Variants in SNTG1 observed in about 807,000 individuals in gnomAD.
The protein encoded by SNTG1 is gamma-1-syntrophin.
Under a neutral mutation model 74.7 loss-of-function variants are expected in SNTG1, and 39 were observed. That is an observed-to-expected ratio of 0.52 (90% confidence interval 0.40 to 0.68). SNTG1 has a LOEUF of 0.68. SNTG1 is among the 30% of genes least tolerant of loss of function. The pLI is 0.00. For synonymous variants in SNTG1, 254 were observed against 217.1 expected, an observed-to-expected ratio of 1.17 and a Z score of -1.49; for missense variants, 685 against 609.5, an observed-to-expected ratio of 1.12 and a Z score of -1.30.
At chr8:50,206,813 A>G (rs916643814) in intron 2 of SNTG1, among the ~76,000 whole-genome samples, 2 of 152,144 alleles carry the variant, frequency 1.3e-5, no homozygotes, top group East Asian at 1.9e-4. Context: ...TTCTGCATCT[A>G]TTGAGACAAT....
chr8:50,752,336 T>C (rs1488641119), intron 18 of SNTG1, among the ~76,000 whole-genome samples: 1 of 152,030 alleles, frequency 6.6e-6, no homozygotes, highest in Non-Finnish European at 1.5e-5. Context: ...ATTGCATTTC[T>C]TAGTTTTAAT....
chr8:50,113,877 G>A (rs549847585), intron 1 of SNTG1, among the ~76,000 whole-genome samples: 15 of 151,952 alleles, frequency 9.9e-5, no homozygotes, highest in Non-Finnish European at 1.3e-4. Context: ...AAACCTGCAC[G>A]TTGTGCACAT....
At chr8:50,115,361 G>A (rs764045626) in intron 1 of SNTG1, among the ~76,000 whole-genome samples, 1 of 151,844 alleles carries the variant, frequency 6.6e-6, no homozygotes, top group Non-Finnish European at 1.5e-5. Context: ...GAGGTCAGGA[G>A]TTCAAGATCA....
intron 2 of SNTG1, among the ~76,000 whole-genome samples, chr8:50,317,594 T>C (rs186726174): frequency 1.2e-4 from 18 of 152,256 alleles, no homozygotes; most frequent in African/African-American, 3.6e-4. Context: ...ACAAAGGAGT[T>C]TGAATTAGAG....
chr8:50,328,114 A>T (rs1473355402), intron 2 of SNTG1, among the ~76,000 whole-genome samples: 1 of 152,120 alleles, frequency 6.6e-6, no homozygotes, highest in Non-Finnish European at 1.5e-5. Flanking sequence ...ACCTTCACTT[A>T]TACCTTTTGT....
intron 2 of SNTG1, among the ~76,000 whole-genome samples, chr8:50,302,897 T>C (rs574649048): frequency 2.7e-3 from 414 of 152,332 alleles, no homozygotes; most frequent in South Asian, 7.7e-3. Context: ...ATAATTGCTT[T>C]TGACGATTGT....
At chr8:49,925,695 G>A (rs79633591) in intron 1 of SNTG1, among the ~76,000 whole-genome samples, 2,094 of 152,308 alleles carry the variant, frequency 0.014, 51 homozygotes, top group African/African-American at 0.045. Context: ...CATATGGTAT[G>A]TAGCATTTGA....
At chr8:50,266,668 G>GTATA (rs1469324237) in intron 2 of SNTG1, among the ~76,000 whole-genome samples, 9 of 114,132 alleles carry the variant, frequency 7.9e-5, no homozygotes, top group African/African-American at 2.4e-4. Context: ...GTGTGTGTGT[G>GTATA]TGTGTGTGTG....
intron 12 of SNTG1, among the ~76,000 whole-genome samples, chr8:50,581,792 G>A (rs536753298): frequency 4.1e-4 from 63 of 152,298 alleles, no homozygotes; most frequent in African/African-American, 9.6e-4. Flanking sequence ...AGCTCAGTTC[G>A]TTGTTGGAGA....
chr8:50,214,563 A>G (rs919437272), intron 2 of SNTG1, among the ~76,000 whole-genome samples: 1 of 152,086 alleles, frequency 6.6e-6, no homozygotes, highest in African/African-American at 2.4e-5. Context: ...TGAATTTTCT[A>G]TGTACTTGGA....
chr8:50,721,645 C>T (rs1911833), intron 17 of SNTG1, among the ~76,000 whole-genome samples: 144,316 of 152,264 alleles, frequency 0.95, 68,468 homozygotes, highest in East Asian at 1. Context: ...AGGGAAATCA[C>T]TAAAAAGGTA....
chr8:50,028,112 T>C (rs1426975610), intron 1 of SNTG1, among the ~76,000 whole-genome samples: 1 of 152,126 alleles, frequency 6.6e-6, no homozygotes, highest in Non-Finnish European at 1.5e-5. Flanking sequence ...AGAGTGTATA[T>C]ACACAGTCAC....
chr8:50,280,169 A>G (rs1338776356), intron 2 of SNTG1, among the ~76,000 whole-genome samples: 1 of 152,168 alleles, frequency 6.6e-6, no homozygotes, highest in Non-Finnish European at 1.5e-5. Context: ...TCATTTTTCC[A>G]TTTGAAAATT....
chr8:50,213,587 C>A (rs1408158835), intron 2 of SNTG1, among the ~76,000 whole-genome samples: 1 of 152,026 alleles, frequency 6.6e-6, no homozygotes, highest in African/African-American at 2.4e-5. Context: ...CTCTCCAGCA[C>A]CTGTTGTTTC....
chr8:50,090,431 G>A (rs1172625040), intron 1 of SNTG1, among the ~76,000 whole-genome samples: 1 of 152,138 alleles, frequency 6.6e-6, no homozygotes, highest in African/African-American at 2.4e-5. Flanking sequence ...TTCCCTTCAT[G>A]GTGGTAAGAT....
At chr8:50,713,863 G>C (rs985275795) in intron 17 of SNTG1, among the ~76,000 whole-genome samples, 17 of 151,916 alleles carry the variant, frequency 1.1e-4, no homozygotes, top group African/African-American at 3.6e-4. Flanking sequence ...TTTAAGACCA[G>C]CATGACCAAC....
chr8:50,676,142 T>A (rs1472837234), intron 15 of SNTG1, among the ~76,000 whole-genome samples: 1 of 151,922 alleles, frequency 6.6e-6, no homozygotes, highest in Non-Finnish European at 1.5e-5. Flanking sequence ...TATCTTAGTG[T>A]TGTTCTCTGC....
At chr8:50,214,107 A>G in intron 2 of SNTG1, among the ~76,000 whole-genome samples, 1 of 151,762 alleles carries the variant, frequency 6.6e-6, no homozygotes, top group Admixed American at 6.6e-5. Context: ...TGTCCTTTGT[A>G]GGGACATGGA....
chr8:50,518,121 G>A lies in SNTG1; in HGVS notation c.467-12056G>A, dbSNP rs1023586471. On this transcript the variant is annotated intron_variant, in intron 9 of 18. Coordinates refer to ENST00000642720, the MANE Select transcript of SNTG1 (RefSeq NM_018967.5). ...AACAAACAGACTCTAAGATCATACG[G>A]CAATCAAATAAGAACTCAGGATTAA... is the stretch of plus-strand genomic sequence containing the variant. Among the ~76,000 whole-genome samples the A allele has an allele frequency of 5.3e-5, 8 of 152,126 alleles. No individual in the cohort carries two copies. The East Asian group carries it at 7.7e-4, about 15-fold the overall frequency.
Sources: allele counts gnomAD v4.1 joint callset (sites outside exome capture counted in the v4.1 genomes callset), GRCh38; gene constraint gnomAD v4.1.1; transcripts MANE v1.5; gene names NCBI Gene and HGNC (gene_info 2026-07-23, HGNC 2026-07-21).